The following SEMA4D variants were observed in gnomAD, a reference collection of about 807,000 sequenced individuals.
SEMA4D encodes the protein semaphorin 4D, also known as semaphorin-4D.
Under a neutral mutation model 74.8 loss-of-function variants are expected in SEMA4D, and 22 were observed. The ratio of observed to expected loss-of-function variants is 0.29; its 90% confidence interval spans 0.21 to 0.42. The LOEUF is 0.42. Among genes scored for constraint, SEMA4D ranks in the 10% least tolerant of loss-of-function variants. The pLI is 1.00. For synonymous variants in SEMA4D, 445 were observed against 463.7 expected (o/e 0.96, Z 0.52); for missense variants, 937 against 1,118.4 (o/e 0.84, Z 2.31).
At chr9:89,487,105 T>C (rs1267392571) in intron 1 of SEMA4D, among the ~76,000 whole-genome samples, 2 of 151,146 alleles carry the variant, frequency 1.3e-5, no homozygotes, top group Non-Finnish European at 2.9e-5. Flanking sequence ...ACAAATATCC[T>C]TAATAAAATT....
At chr9:89,432,917 G>A (rs993195670) in intron 2 of SEMA4D, among the ~76,000 whole-genome samples, 6 of 152,174 alleles carry the variant, frequency 3.9e-5, no homozygotes, top group African/African-American at 7.2e-5. Flanking sequence ...TCATATTCAC[G>A]ACAGCACTAT....
chr9:89,439,147 A>G (rs755882258), intron 2 of SEMA4D, among the ~76,000 whole-genome samples: 7 of 151,542 alleles, frequency 4.6e-5, no homozygotes, highest in Non-Finnish European at 8.8e-5. Flanking sequence ...ACGCCCGGCT[A>G]ATTTTTGTAT....
chr9:89,467,697 A>C (rs1306350942), intron 1 of SEMA4D, among the ~76,000 whole-genome samples: 2 of 151,832 alleles, frequency 1.3e-5, no homozygotes, highest in African/African-American at 4.8e-5. Context: ...ACGCCCAGCT[A>C]ATTTTTGTAT....
Position 89,454,948 on chromosome 9 carries a change from T to G in SEMA4D, c.-244+940A>C, listed in dbSNP as rs557839315. Among the ~76,000 whole-genome samples, 8 of 152,300 alleles carry G rather than the reference T, an allele frequency of 5.3e-5. No individual in the cohort carries two copies. In the South Asian group the frequency reaches 1.4e-3, roughly 28 times the overall value. Reference sequence around the variant, plus strand: ...CCCCGGGTGGCTCTGCCTCTTCACATTTACAGAGAAGGAAACTGAACCCAT... The same window carrying G: ...CCCCGGGTGGCTCTGCCTCTTCACAGTTACAGAGAAGGAAACTGAACCCAT... On this transcript the variant is annotated intron_variant, in intron 2 of 15. Transcript: ENST00000422704.
intron 13 of SEMA4D, chr9:89,385,825 G>T: frequency 1.2e-6 from 1 of 848,894 alleles, no homozygotes; most frequent in Non-Finnish European, 1.4e-6. Flanking sequence ...CCCGTTAGGA[G>T]CCAGGGCCAG....
intron 16 of SEMA4D, chr9:89,364,178 C>A: frequency 1.2e-6 from 1 of 839,138 alleles, no homozygotes; most frequent in Non-Finnish European, 1.8e-6. Flanking sequence ...CCTTAATTGC[C>A]ATTTTTCAAA....
At chr9:89,366,149 C>T (rs1402079367) in intron 16 of SEMA4D, among the ~76,000 whole-genome samples, 2 of 152,172 alleles carry the variant, frequency 1.3e-5, no homozygotes, top group African/African-American at 4.8e-5. Flanking sequence ...TATTCAGCAA[C>T]ACAGAAAAAT....
In SEMA4D at chr9:89,481,284, C is replaced by T. The variant is rs372112862; in HGVS notation, c.-310+16635G>A. 1.6e-3 allele frequency among the ~76,000 whole-genome samples: 243 copies of T among 152,304 alleles called. 1 individual carries two copies. Among genetic ancestry groups the T allele is most frequent in the African/African-American group, 5.4e-3 (225 of 41,578 alleles). ...GCTGGAGAGACCCCCGAGGGTCCAG[C>T]GAGGGAGGCGGGGCCCATCAGCAAG... On this transcript the variant is annotated intron_variant, in intron 1 of 15. Transcript: ENST00000422704.
At chr9:89,485,554 C>T (rs2136225034) in intron 1 of SEMA4D, among the ~76,000 whole-genome samples, 1 of 152,152 alleles carries the variant, frequency 6.6e-6, no homozygotes, top group East Asian at 1.9e-4. Flanking sequence ...TTTGGGAGGC[C>T]AAGACGGGAG....
At chr9:89,380,103 G>A (rs577133624) in intron 15 of SEMA4D, among the ~76,000 whole-genome samples, 1 of 150,770 alleles carries the variant, frequency 6.6e-6, no homozygotes, top group African/African-American at 2.4e-5. Flanking sequence ...TGCAATCACA[G>A]CTCACTGCAG....
chr9:89,450,168 A>C, intron 2 of SEMA4D: 1 of 1,271,810 alleles, frequency 7.9e-7, no homozygotes, highest in Admixed American at 1.7e-5. Flanking sequence ...CATTACCCAG[A>C]TTCCCACAGA....
In SEMA4D at chr9:89,413,733, T is replaced by C. The variant is rs531498514; in HGVS notation, c.-243-8034A>G. Among the ~76,000 whole-genome samples, 13 of 152,382 alleles carry C rather than the reference T, an allele frequency of 8.5e-5. No individual in the cohort carries two copies. The South Asian group carries it at 2.5e-3, about 29-fold the overall frequency. ...GGCATCTGTGTATGTGTGTGTATAA[T>C]GTATGTGTGCACCTGTGCATGTCTG... On this transcript the variant is annotated intron_variant, in intron 2 of 15. Transcript: ENST00000422704.
chr9:89,378,410 T>C lies in SEMA4D; in HGVS notation c.*294A>G. On this transcript the variant is annotated 3_prime_UTR_variant, in exon 16 of 16. Coordinates refer to ENST00000422704, the MANE Select transcript of SEMA4D (RefSeq NM_001371194.2). ...AGAGGTCCAGCCACCTTTCCCCCACTACAGAAAGGGCTCAGGAACTCCGTG... is the reference window on the plus strand; with the variant it reads ...AGAGGTCCAGCCACCTTTCCCCCACCACAGAAAGGGCTCAGGAACTCCGTG... 3.0e-6 allele frequency: 1 copy of C among 332,170 alleles called. No homozygotes were observed. The allele number at this position is 332,170 out of a possible 1,614,324, so 20.6% of individuals were successfully genotyped here.
intron 2 of SEMA4D, among the ~76,000 whole-genome samples, chr9:89,455,118 T>G (rs1197908599): frequency 6.6e-6 from 1 of 152,256 alleles, no homozygotes; most frequent in Non-Finnish European, 1.5e-5. Flanking sequence ...ACGCTGTGCC[T>G]CCATGGCCTC....
chr9:89,429,876 G>T (rs1463277112), intron 2 of SEMA4D, among the ~76,000 whole-genome samples: 1 of 152,160 alleles, frequency 6.6e-6, no homozygotes, highest in Non-Finnish European at 1.5e-5. Context: ...GGCCAGTTAC[G>T]TGCTCAGAAG....
intron 1 of SEMA4D, chr9:89,472,827 C>T (rs1588134639): frequency 6.5e-6 from 1 of 152,930 alleles, no homozygotes. Flanking sequence ...GGCATGGTGG[C>T]TCACATCTGT....
chr9:89,393,870 C>T (rs1840361529), intron 6 of SEMA4D, among the ~76,000 whole-genome samples: 3 of 152,204 alleles, frequency 2.0e-5, no homozygotes, highest in African/African-American at 7.2e-5. Flanking sequence ...GCCCTTGCTC[C>T]GTTGCCCTGG....
At chr9:89,371,290 CGG>C (rs1447070493) in intron 16 of SEMA4D, among the ~76,000 whole-genome samples, 1 of 59,028 alleles carries the variant, frequency 1.7e-5, no homozygotes, top group Non-Finnish European at 3.2e-5. Flanking sequence ...TGGTGTGTGA[CGG>C]TGTGTGTGTC....
rs147195506 is a variant in SEMA4D at position 89,379,127 on chromosome 9, C to T, written c.2166G>A (p.Ser722=). 261 of 1,614,098 alleles carry T rather than the reference C, an allele frequency of 1.6e-4. No homozygotes were observed. The African/African-American group carries it at 2.7e-3, about 17-fold the overall frequency. The part of the protein sequence containing the change: ...IVINTVPQLH[S]EKTMYLKSSD... Reference sequence around the variant, plus strand: ...TGGACTTAAGATACATGGTTTTCTCCGAGTGGAGCTGGGGGACCGTGTTGA... The same window carrying T: ...TGGACTTAAGATACATGGTTTTCTCTGAGTGGAGCTGGGGGACCGTGTTGA... Residue 722 remains serine, a synonymous_variant, in exon 16 of 16, where the codon TCG becomes TCA. Coordinates refer to ENST00000422704, the MANE Select transcript of SEMA4D (RefSeq NM_001371194.2).
Sources: gnomAD v4.1 joint callset for allele counts (sites outside exome capture counted in the v4.1 genomes callset) on GRCh38, gnomAD v4.1.1 for gene constraint, MANE v1.5 for transcripts, NCBI Gene and HGNC (gene_info 2026-07-23, HGNC 2026-07-21) for gene names.